Variants in PPARGC1A observed in about 807,000 individuals in gnomAD.
PPARGC1A encodes the protein peroxisome proliferator-activated receptor gamma coactivator 1-alpha.
A neutral mutation model predicts 88.7 loss-of-function variants in PPARGC1A; 25 were observed. The observed-to-expected ratio is 0.28, with a 90% CI of 0.21 to 0.39. PPARGC1A has a LOEUF of 0.39. Among genes scored for constraint, PPARGC1A ranks in the 10% least tolerant of loss-of-function variants. The pLI, the probability that PPARGC1A is intolerant of heterozygous loss-of-function variation, is 1.00. For synonymous variants in PPARGC1A, 363 were observed against 355.6 expected, an observed-to-expected ratio of 1.02 and a Z score of -0.24; for missense variants, 880 against 968.7, an observed-to-expected ratio of 0.91 and a Z score of 1.22.
At chr4:24,195,667 T>C in the PPARGC1A span, among the ~76,000 whole-genome samples, 1 of 152,310 alleles carries the variant, frequency 6.6e-6, no homozygotes, top group South Asian at 2.1e-4. Flanking sequence ...ATGCAAACCA[T>C]CATGATATTG....
the PPARGC1A span, among the ~76,000 whole-genome samples, chr4:23,987,384 G>A: frequency 6.6e-6 from 1 of 151,962 alleles, no homozygotes; most frequent in African/African-American, 2.4e-5. Flanking sequence ...CCCCACCATT[G>A]TGCCCTCTAA....
chr4:24,322,969 G>A, the PPARGC1A span, among the ~76,000 whole-genome samples: 4 of 152,052 alleles, frequency 2.6e-5, no homozygotes, highest in Admixed American at 2.0e-4. Flanking sequence ...GTATAATAAC[G>A]GAAAAGCAGC....
chr4:24,229,134 A>C, the PPARGC1A span, among the ~76,000 whole-genome samples: 1 of 88,372 alleles, frequency 1.1e-5, no homozygotes, highest in South Asian at 3.8e-4. Flanking sequence ...ATTATGGATG[A>C]AGCTTGGGTA....
chr4:24,202,019 A>G, the PPARGC1A span, among the ~76,000 whole-genome samples: 1 of 151,624 alleles, frequency 6.6e-6, no homozygotes, highest in Non-Finnish European at 1.5e-5. Flanking sequence ...CTCCTGCCTC[A>G]GCTTCCCAAA....
chr4:23,810,341 T>C (rs1045651080), intron 10 of PPARGC1A, among the ~76,000 whole-genome samples: 5 of 143,186 alleles, frequency 3.5e-5, no homozygotes, highest in African/African-American at 5.3e-5. Context: ...GTATTACAAG[T>C]GCTCTTTGGA....
intron 2 of PPARGC1A, among the ~76,000 whole-genome samples, chr4:23,853,288 A>G (rs530937940): frequency 6.6e-6 from 1 of 152,310 alleles, no homozygotes; most frequent in East Asian, 1.9e-4. Flanking sequence ...GACATGTAAG[A>G]TAGAAACATG....
chr4:24,308,317 GAAAAGAA>G, the PPARGC1A span, among the ~76,000 whole-genome samples: 6 of 137,578 alleles, frequency 4.4e-5, no homozygotes, highest in South Asian at 1.4e-3. Context: ...AAAAAAAAGA[GAAAAGAA>G]AAAAGAAAGA....
At chr4:24,094,602 T>C in the PPARGC1A span, among the ~76,000 whole-genome samples, 1 of 152,226 alleles carries the variant, frequency 6.6e-6, no homozygotes. Flanking sequence ...ATAGCATGAC[T>C]TCCATGCTAC....
At chr4:24,471,710 G>A in the PPARGC1A span, among the ~76,000 whole-genome samples, 1 of 152,292 alleles carries the variant, frequency 6.6e-6, no homozygotes, top group African/African-American at 2.4e-5. The surrounding 1 kb of genome is among the most constrained non-coding windows in gnomAD (Gnocchi z 5.4). Context: ...GGAGCGTCTA[G>A]GGCACGATGC....
the PPARGC1A span, among the ~76,000 whole-genome samples, chr4:24,096,186 G>A: frequency 1.3e-5 from 2 of 152,148 alleles, no homozygotes; most frequent in Non-Finnish European, 2.9e-5. Flanking sequence ...CCGCCACCAT[G>A]CGAAGAAGGC....
the PPARGC1A span, among the ~76,000 whole-genome samples, chr4:23,927,146 A>G: frequency 3.9e-5 from 6 of 152,186 alleles, no homozygotes; most frequent in Non-Finnish European, 8.8e-5. Context: ...CAGTTGGGCA[A>G]AATTATCTAA....
the PPARGC1A span, among the ~76,000 whole-genome samples, chr4:24,126,077 G>A: frequency 6.6e-6 from 1 of 152,160 alleles, no homozygotes; most frequent in Admixed American, 6.5e-5. Context: ...GAGGATCAGA[G>A]AGTAAAGTGA....
the PPARGC1A span, among the ~76,000 whole-genome samples, chr4:24,280,454 G>A: frequency 1.3e-5 from 2 of 152,078 alleles, no homozygotes; most frequent in Non-Finnish European, 2.9e-5. Context: ...CTGCTCTCCT[G>A]TCTCTTGGAA....
chr4:24,050,136 A>T, the PPARGC1A span, among the ~76,000 whole-genome samples: 4 of 150,390 alleles, frequency 2.7e-5, no homozygotes, highest in Non-Finnish European at 5.9e-5. Flanking sequence ...GATTTTGCTG[A>T]CTTATACGGC....
chr4:23,933,321 T>C, the PPARGC1A span, among the ~76,000 whole-genome samples: 6 of 152,232 alleles, frequency 3.9e-5, no homozygotes, highest in African/African-American at 1.4e-4. Context: ...CCTCAGTTTG[T>C]TTTGGAGAAT....
chr4:24,414,505 C>T, the PPARGC1A span, among the ~76,000 whole-genome samples: 1 of 152,102 alleles, frequency 6.6e-6, no homozygotes, highest in Non-Finnish European at 1.5e-5. Context: ...TCTGAACAGC[C>T]CCATTTAGAT....
At chr4:23,801,498 T>A (rs552959571) in intron 12 of PPARGC1A, among the ~76,000 whole-genome samples, 55 of 152,280 alleles carry the variant, frequency 3.6e-4, no homozygotes, top group Middle Eastern at 3.4e-3. Flanking sequence ...CTACCACAAT[T>A]TTCAGCACCT....
the PPARGC1A span, among the ~76,000 whole-genome samples, chr4:24,169,329 C>T: frequency 2.6e-5 from 4 of 152,044 alleles, no homozygotes; most frequent in Admixed American, 2.6e-4. Context: ...AATACGGGGT[C>T]CTGGATGGGA....
the PPARGC1A span, among the ~76,000 whole-genome samples, chr4:23,998,845 C>T: frequency 6.6e-6 from 1 of 152,114 alleles, no homozygotes; most frequent in South Asian, 2.1e-4. Flanking sequence ...TGGTGAGTGG[C>T]CTATATTTGA....
Sources: gnomAD v4.1 joint callset for allele counts (sites outside exome capture counted in the v4.1 genomes callset) on GRCh38, gnomAD v4.1.1 for gene constraint, Gnocchi (gnomAD v3.1) non-coding constraint, MANE v1.5 for transcripts, NCBI Gene and HGNC (gene_info 2026-07-23, HGNC 2026-07-21) for gene names.